JUP: variants seen among roughly 807,000 people sequenced by gnomAD.
JUP encodes junction plakoglobin, also known as catenin (cadherin-associated protein), gamma 80kDa.
A neutral mutation model predicts 71.1 loss-of-function variants in JUP; 28 were observed. That is an observed-to-expected ratio of 0.39 (90% CI 0.29 to 0.54). The LOEUF (loss-of-function observed/expected upper bound fraction) is 0.54. JUP is among the 20% of genes least tolerant of loss of function. The pLI, the probability that JUP is intolerant of heterozygous loss-of-function variation, is 0.62. For missense variants in JUP, 869 were observed against 1,030.1 expected, an observed-to-expected ratio of 0.84 and a Z score of 2.14; for synonymous variants, 401 against 438.9, an observed-to-expected ratio of 0.91 and a Z score of 1.08.
chr17:41,763,150 G>A lies in JUP; in HGVS notation c.1330C>T (p.Arg444Cys), dbSNP rs781793865. Residue 444 changes from arginine to cysteine, a missense_variant, in exon 8 of 14, where the codon CGT (arginine) becomes TGT (cysteine). Transcript: ENST00000393931. The part of the protein sequence containing the change: ...GVEALIHAIL[R>C]AGDKDDITEP... The stretch of plus-strand genomic sequence containing the variant: ...GTGATGTCGTCCTTGTCACCAGCAC[G>A]CAGGATGGCATGGATGAGAGCCTCC... 13 of 1,614,104 alleles carry A rather than the reference G, an allele frequency of 8.1e-6. No homozygotes were observed. The highest frequency in any genetic ancestry group is 4.5e-5 in the East Asian group (2 of 44,894).
intron 5 of JUP, among the ~76,000 whole-genome samples, chr17:41,766,586 G>A (rs908268584): frequency 1.3e-5 from 2 of 152,016 alleles, no homozygotes; most frequent in African/African-American, 2.4e-5. Flanking sequence ...GGGGCACGGT[G>A]TCTCATGCCT....
intron 5 of JUP, among the ~76,000 whole-genome samples, chr17:41,767,103 A>T (rs1915853830): frequency 6.6e-6 from 1 of 151,974 alleles, no homozygotes. Context: ...GATTGTTATG[A>T]TGACAAGGAT....
intron 7 of JUP, 60 bp downstream of exon 7, chr17:41,764,653 G>T: frequency 7.3e-7 from 1 of 1,379,262 alleles, no homozygotes; most frequent in Non-Finnish European, 1.0e-6. Context: ...CAGATGCCCA[G>T]ACAGGAGGCT....
At chr17:41,756,027 C>T (rs1555597613) in intron 13 of JUP, 132 bp from the exon 14 acceptor site, 1 of 1,352,426 alleles carries the variant, frequency 7.4e-7, no homozygotes, top group Non-Finnish European at 1.0e-6. Context: ...AGACCCCACA[C>T]CAGGGCATCT....
chr17:41,768,601 G>A (rs1350420968), intron 4 of JUP, among the ~76,000 whole-genome samples: 24 of 151,930 alleles, frequency 1.6e-4, no homozygotes, highest in Admixed American at 1.6e-3. Context: ...ACATTTTGTA[G>A]GGGGCCAGGA....
chr17:41,761,035 C>T (rs551142617), intron 8 of JUP, among the ~76,000 whole-genome samples: 5 of 152,116 alleles, frequency 3.3e-5, no homozygotes, highest in African/African-American at 7.2e-5. Flanking sequence ...CACACACAAA[C>T]GCTTTCCCCC....
At chr17:41,761,339 T>C (rs1555601116) in intron 8 of JUP, among the ~76,000 whole-genome samples, 2 of 152,040 alleles carry the variant, frequency 1.3e-5, no homozygotes. Context: ...AGTTCTGGGG[T>C]GTGAGCAGGA....
At chr17:41,783,286 T>G (rs990043390) in intron 1 of JUP, among the ~76,000 whole-genome samples, 11 of 66,144 alleles carry the variant, frequency 1.7e-4, no homozygotes, top group African/African-American at 6.3e-4. Context: ...ATGATACGCG[T>G]TTTTTTTGTT....
chr17:41,769,203 A>G lies in JUP; in HGVS notation c.473T>C (p.Val158Ala). The change falls in exon 4 of 14, where the codon GTG (valine) becomes GCG (alanine). Residue 158 changes from valine (V) to alanine (A), a missense_variant. Coordinates refer to ENST00000393931, the MANE Select transcript of JUP (RefSeq NM_002230.4). ...CACAATCATGGCCGCCTTGGTCACCACCACCTGGAGGGCAAAGGCAGGGGC... is the reference window on the plus strand; with the variant it reads ...CACAATCATGGCCGCCTTGGTCACCGCCACCTGGAGGGCAAAGGCAGGGGC... ...TKLLNDEDPV[V>A]VTKAAMIVNQ... is the part of the protein sequence containing the mutation. 6.2e-7 allele frequency: 1 copy of G among 1,600,272 alleles called. No individual in the cohort carries two copies. The highest frequency in any genetic ancestry group is 1.3e-5 in the African/African-American group (1 of 74,994).
chr17:41,756,128 AG>A, intron 13 of JUP, 46 bp downstream of exon 13: 1 of 1,591,450 alleles, frequency 6.3e-7, no homozygotes, highest in Non-Finnish European at 8.6e-7. Context: ...ACACCCACAC[AG>A]CCGCCCAGGA....
intron 2 of JUP, 61 bp from the exon 3 acceptor site, chr17:41,769,738 AG>A: frequency 6.4e-7 from 1 of 1,567,970 alleles, no homozygotes. Flanking sequence ...ACTGGGGAGC[AG>A]GGCAGGCCAC....
rs139881499 is a variant in JUP, at chr17:41,760,001, G to A, written c.1498-1131C>T. ...GGCCAAGGCAGGCAGATCACTTTAG[G>A]TCAGGAGTTCGAGACCAGCCTGGCC... On this transcript the variant is annotated intron_variant, in intron 8 of 13. Transcript: ENST00000393931. Among the ~76,000 whole-genome samples, 1,073 of 151,708 alleles carry A rather than the reference G, an allele frequency of 7.1e-3. 8 individuals are homozygous for A. Among genetic ancestry groups the A allele is most frequent in the African/African-American group, 0.025 (1,029 of 41,362 alleles).
intron 4 of JUP, 137 bp from the exon 5 acceptor site, chr17:41,767,717 C>T: frequency 1.5e-6 from 1 of 676,752 alleles, no homozygotes; most frequent in African/African-American, 1.8e-5. Flanking sequence ...TTGCTAAAAT[C>T]TCATCACTCC....
intron 1 of JUP, among the ~76,000 whole-genome samples, chr17:41,778,804 G>A (rs35114896): frequency 0.51 from 77,073 of 151,164 alleles, 21,773 homozygotes; most frequent in Middle Eastern, 0.66. Flanking sequence ...CCAGCTACTC[G>A]GGAGGCTGAG....
chr17:41,758,510 C>T lies in JUP; in HGVS notation c.1662G>A (p.Val554=). 1 of 1,611,210 alleles carries T rather than the reference C, an allele frequency of 6.2e-7. No homozygotes were observed. Residue 554 remains valine (V), a synonymous_variant, in exon 10 of 14, where the codon GTG becomes GTA. Coordinates refer to ENST00000393931, the MANE Select transcript of JUP (RefSeq NM_002230.4). ...AGCCCTCCACAATCTCCTCCATCCT[C>T]ACACCATCCTGTGTGAGAGGAGGCA... is the stretch of plus-strand genomic sequence containing the variant. The part of the protein sequence containing the change: ...AGTQQPYTDG[V]RMEEIVEGCT...
At chr17:41,768,389 A>G (rs1916044610) in intron 4 of JUP, among the ~76,000 whole-genome samples, 1 of 117,194 alleles carries the variant, frequency 8.5e-6, no homozygotes. Flanking sequence ...ACAGGAGGAA[A>G]ACTCCATCTC....
chr17:41,760,504 C>G (rs782819942), intron 8 of JUP, among the ~76,000 whole-genome samples: 1 of 151,612 alleles, frequency 6.6e-6, no homozygotes, highest in Non-Finnish European at 1.5e-5. Flanking sequence ...GTGATCCACA[C>G]GCCTCGGCCT....
At chr17:41,759,298 C>T (rs57498914) in intron 8 of JUP, among the ~76,000 whole-genome samples, 5,887 of 152,186 alleles carry the variant, frequency 0.039, 367 homozygotes, top group African/African-American at 0.13. Flanking sequence ...TGGCCTCGAA[C>T]CCCTGACCTC....
At chr17:41,756,306 A>C in intron 12 of JUP, 92 bp from the exon 13 acceptor site, 3 of 1,302,510 alleles carry the variant, frequency 2.3e-6, no homozygotes, top group Non-Finnish European at 2.2e-6. Context: ...ATGCTTCTAA[A>C]AGAGGGGGCC....
Sources: gnomAD v4.1 joint callset for allele counts (sites outside exome capture counted in the v4.1 genomes callset) on GRCh38, gnomAD v4.1.1 for gene constraint, MANE v1.5 for transcripts, NCBI Gene and HGNC (gene_info 2026-07-23, HGNC 2026-07-21) for gene names.